Variants in FHIT observed in about 807,000 individuals in gnomAD.
FHIT encodes the protein bis(5'-adenosyl)-triphosphatase.
A neutral mutation model predicts 17.9 loss-of-function variants in FHIT; 19 were observed. That is an observed-to-expected ratio of 1.06 (90% CI 0.74 to 1.56). FHIT has a LOEUF of 1.56. FHIT is among the 40% of genes most tolerant of loss of function. The probability of loss-of-function intolerance (pLI) is 0.00; values close to 1 mark genes in which losing one functional copy is unlikely to be tolerated. For missense variants in FHIT, 248 were observed against 189.2 expected (o/e 1.31, Z -1.82); for synonymous variants, 81 against 69.7 (o/e 1.16, Z -0.81).
chr3:60,546,483 T>C (rs2036369328), intron 4 of FHIT, among the ~76,000 whole-genome samples: 1 of 152,218 alleles, frequency 6.6e-6, no homozygotes, highest in East Asian at 1.9e-4. Context: ...TGAATTGATA[T>C]TGTTATAATT....
At chr3:60,157,065 T>C (rs1274634238) in intron 5 of FHIT, among the ~76,000 whole-genome samples, 1 of 152,302 alleles carries the variant, frequency 6.6e-6, no homozygotes, top group African/African-American at 2.4e-5. Flanking sequence ...AATAAATCAA[T>C]ACTCATTTAT....
chr3:60,474,536 G>A lies in FHIT; in HGVS notation c.103+62324C>T, dbSNP rs79901926. ...CAGTTTTTGAATTTATTAATAATTA[G>A]GCAAGAAATCATTAACTACATTTTC... On this transcript the variant is annotated intron_variant, in intron 5 of 9. Coordinates refer to ENST00000492590, the MANE Select transcript of FHIT (RefSeq NM_002012.4). Among the ~76,000 whole-genome samples, 852 of 152,052 alleles carry A rather than the reference G, an allele frequency of 5.6e-3. 4 individuals are homozygous for A. The highest frequency in any genetic ancestry group is 0.02 in the African/African-American group (812 of 41,470).
intron 2 of FHIT, among the ~76,000 whole-genome samples, chr3:61,089,286 A>C (rs1323751391): frequency 1.3e-5 from 2 of 152,200 alleles, no homozygotes; most frequent in Non-Finnish European, 2.9e-5. Context: ...GTTTTGTGGC[A>C]TTAAGTACAT....
chr3:60,580,162 A>G lies in FHIT; in HGVS notation c.-17-43183T>C, dbSNP rs552293043. 3.3e-4 allele frequency among the ~76,000 whole-genome samples: 50 copies of G among 152,272 alleles called. 1 individual carries two copies. In the South Asian group the frequency reaches 9.7e-3, roughly 30 times the overall value. ...AACTCTAAAATTTAAAATTTCAAGC[A>G]AAACCTATAGAAAGAGGCAAATACA... On this transcript the variant is annotated intron_variant, in intron 4 of 9. Coordinates refer to ENST00000492590, the MANE Select transcript of FHIT (RefSeq NM_002012.4).
chr3:59,845,336 G>C (rs1054540527), intron 8 of FHIT, among the ~76,000 whole-genome samples: 3 of 151,412 alleles, frequency 2.0e-5, no homozygotes, highest in South Asian at 4.2e-4. Context: ...GTTAGCTTTG[G>C]GGTTAGTGCG....
chr3:60,025,307 A>G (rs1700700715), intron 5 of FHIT, among the ~76,000 whole-genome samples: 1 of 152,216 alleles, frequency 6.6e-6, no homozygotes, highest in Non-Finnish European at 1.5e-5. Flanking sequence ...ACGCACACAC[A>G]TTGTTTTCCT....
chr3:60,960,994 T>G (rs1420459922), intron 3 of FHIT, among the ~76,000 whole-genome samples: 1 of 152,216 alleles, frequency 6.6e-6, no homozygotes, highest in Admixed American at 6.5e-5. Flanking sequence ...TCTAGATCCT[T>G]GAAGAATCGC....
chr3:60,173,915 A>ATATATATATATATATATTTT, intron 5 of FHIT, among the ~76,000 whole-genome samples: 2 of 66,430 alleles, frequency 3.0e-5, no homozygotes, highest in Non-Finnish European at 5.5e-5. Flanking sequence ...ATATATATAT[A>ATATATATATATATATATTTT]TGTTTTTTTT....
intron 3 of FHIT, among the ~76,000 whole-genome samples, chr3:60,974,213 C>A (rs574000534): frequency 2.0e-5 from 3 of 152,134 alleles, no homozygotes; most frequent in African/African-American, 7.2e-5. Context: ...TTTCCTCATA[C>A]AAAATTTACA....
At chr3:60,812,144 A>G (rs1217330636) in intron 4 of FHIT, among the ~76,000 whole-genome samples, 2 of 151,578 alleles carry the variant, frequency 1.3e-5, no homozygotes, top group African/African-American at 4.8e-5. Flanking sequence ...CCAAATTCTT[A>G]ATATAAACAT....
chr3:60,178,366 C>G (rs1422065863), intron 5 of FHIT, among the ~76,000 whole-genome samples: 2 of 152,240 alleles, frequency 1.3e-5, no homozygotes, highest in African/African-American at 4.8e-5. Context: ...GCGGGCGGAT[C>G]ACCTCAGGTC....
chr3:61,176,555 T>C (rs1451877353), intron 2 of FHIT, among the ~76,000 whole-genome samples: 3 of 152,234 alleles, frequency 2.0e-5, no homozygotes, highest in Non-Finnish European at 2.9e-5. Flanking sequence ...CTTTATACTT[T>C]ATAAAGCTTT....
Position 59,814,074 on chromosome 3 carries a change from A to ACACC in FHIT, c.349-61754_349-61753insGGTG, listed in dbSNP as rs761314894. 8.6e-5 allele frequency among the ~76,000 whole-genome samples: 13 copies of ACACC among 151,744 alleles called. No homozygotes were observed. The South Asian group carries it at 1.0e-3, about 12-fold the overall frequency. ...CACACACACACACACACACACACAC[A>ACACC]CCCGACGGTGAATTATTCAGGGAGG... is the stretch of plus-strand genomic sequence containing the variant. On this transcript the variant is annotated intron_variant, in intron 8 of 9. Transcript: ENST00000492590.
chr3:59,988,002 T>A (rs1709061624), intron 7 of FHIT, among the ~76,000 whole-genome samples: 2 of 150,374 alleles, frequency 1.3e-5, no homozygotes, highest in South Asian at 2.2e-4. Flanking sequence ...TTGAATGAAT[T>A]TATGACTGTA....
chr3:60,683,529 A>AT (rs1491057502), intron 4 of FHIT, among the ~76,000 whole-genome samples: 1 of 38,632 alleles, frequency 2.6e-5, no homozygotes, highest in Non-Finnish European at 1.2e-4. Context: ...TTAAGATAAC[A>AT]TATTTTTTTA....
At chr3:60,632,706 TATCTTA>T (rs1330286168) in intron 4 of FHIT, among the ~76,000 whole-genome samples, 4 of 152,212 alleles carry the variant, frequency 2.6e-5, no homozygotes, top group African/African-American at 4.8e-5. Context: ...TTAGTATCTT[TATCTTA>T]TTCTCAATTA....
intron 2 of FHIT, among the ~76,000 whole-genome samples, chr3:61,138,462 C>T (rs924604979): frequency 1.3e-5 from 2 of 152,250 alleles, no homozygotes; most frequent in African/African-American, 4.8e-5. Context: ...TGGGCCTTTT[C>T]ACCTCATGGC....
intron 5 of FHIT, among the ~76,000 whole-genome samples, chr3:60,077,880 G>A (rs1703102730): frequency 6.6e-6 from 1 of 151,982 alleles, no homozygotes; most frequent in Admixed American, 6.6e-5. Context: ...CACAAAAAAA[G>A]TAACTCTGAG....
At chr3:60,804,075 C>A (rs1307008282) in intron 4 of FHIT, among the ~76,000 whole-genome samples, 2 of 152,260 alleles carry the variant, frequency 1.3e-5, no homozygotes, top group South Asian at 2.1e-4. Flanking sequence ...AAGAATGTAA[C>A]CCCGGAAGGC....
Sources: allele counts gnomAD v4.1 joint callset (sites outside exome capture counted in the v4.1 genomes callset), GRCh38; gene constraint gnomAD v4.1.1; transcripts MANE v1.5; gene names NCBI Gene and HGNC (gene_info 2026-07-23, HGNC 2026-07-21).